SNTB1: variants seen among roughly 807,000 people sequenced by gnomAD.
SNTB1 encodes the protein beta-1-syntrophin.
A neutral mutation model predicts 48.9 loss-of-function variants in SNTB1; 36 were observed. The observed-to-expected ratio is 0.74, with a 90% CI of 0.56 to 0.97. The LOEUF is 0.97. SNTB1 is among the 50% of genes least tolerant of loss of function. The probability of loss-of-function intolerance (pLI) is 0.00; values close to 1 mark genes in which losing one functional copy is unlikely to be tolerated. For missense variants in SNTB1, 786 were observed against 703.4 expected, an observed-to-expected ratio of 1.12 and a Z score of -1.33; for synonymous variants, 299 against 294.6, an observed-to-expected ratio of 1.01 and a Z score of -0.15.
chr8:120,779,958 A>G (rs1185374255), intron 1 of SNTB1, among the ~76,000 whole-genome samples: 1 of 152,138 alleles, frequency 6.6e-6, no homozygotes, highest in Admixed American at 6.5e-5. Flanking sequence ...AGGGCTCTAG[A>G]TATATTACAT....
chr8:120,582,255 A>T (rs1282887242), intron 3 of SNTB1, among the ~76,000 whole-genome samples: 2 of 152,190 alleles, frequency 1.3e-5, no homozygotes, highest in Non-Finnish European at 2.9e-5. Flanking sequence ...AAAACACAAC[A>T]TATCAAAATC....
intron 3 of SNTB1, among the ~76,000 whole-genome samples, chr8:120,611,113 C>T (rs1462057321): frequency 6.6e-6 from 1 of 152,100 alleles, no homozygotes; most frequent in African/African-American, 2.4e-5. Context: ...CAGGTCTGAC[C>T]CTAGAGCAAG....
At chr8:120,638,283 G>A (rs897086172) in intron 2 of SNTB1, 9 of 152,148 alleles carry the variant, frequency 5.9e-5, no homozygotes, top group African/African-American at 2.2e-4. Context: ...GAAGAAGCGG[G>A]AAAACACAGT....
chr8:120,679,028 A>G (rs1180755355), intron 2 of SNTB1, among the ~76,000 whole-genome samples: 1 of 152,166 alleles, frequency 6.6e-6, no homozygotes, highest in Non-Finnish European at 1.5e-5. Context: ...GGTGGTAGTA[A>G]CTTGCTCTTT....
chr8:120,602,472 C>G (rs556758856), intron 3 of SNTB1, among the ~76,000 whole-genome samples: 1 of 152,286 alleles, frequency 6.6e-6, no homozygotes, highest in African/African-American at 2.4e-5. Flanking sequence ...CTGAAAAGAC[C>G]GAGGTTCCCC....
chr8:120,620,945 T>C (rs1228473347), intron 3 of SNTB1, among the ~76,000 whole-genome samples: 1 of 118,182 alleles, frequency 8.5e-6, no homozygotes, highest in African/African-American at 2.6e-5. Flanking sequence ...TTCCCTCTCT[T>C]TTCTTTTCTT....
At position 120,605,344 on chromosome 8, in the gene SNTB1, ATTTCCTATG is replaced by A. The variant is rs573778375; in HGVS notation, c.996+27091_996+27099del. Among the ~76,000 whole-genome samples the A allele has an allele frequency of 3.1e-3, 475 of 152,288 alleles. 4 individuals carry two copies. Among genetic ancestry groups the A allele is most frequent in the African/African-American group, 0.011 (458 of 41,566 alleles). ...TCTGAAAGGAGGTTTTACTTACTCC[ATTTCCTATG>A]GAGACATCAAGCTCTCCAGAAGTAG... is the stretch of plus-strand genomic sequence containing the variant. On this transcript the variant is annotated intron_variant, in intron 3 of 6. Coordinates refer to ENST00000517992, the MANE Select transcript of SNTB1 (RefSeq NM_021021.4).
At chr8:120,659,977 C>T (rs1431573500) in intron 2 of SNTB1, among the ~76,000 whole-genome samples, 1 of 152,120 alleles carries the variant, frequency 6.6e-6, no homozygotes, top group Non-Finnish European at 1.5e-5. Context: ...TGCTGAGTAG[C>T]AGGTCTCAAC....
chr8:120,688,626 T>A (rs1818073598), intron 2 of SNTB1, among the ~76,000 whole-genome samples: 2 of 152,270 alleles, frequency 1.3e-5, no homozygotes, highest in South Asian at 4.1e-4. Context: ...AAGACATTGA[T>A]ATCTGAGAAG....
At chr8:120,767,649 GTTC>G (rs990786895) in intron 1 of SNTB1, among the ~76,000 whole-genome samples, 1 of 152,150 alleles carries the variant, frequency 6.6e-6, no homozygotes, top group Non-Finnish European at 1.5e-5. Flanking sequence ...TAGCCTCTTT[GTTC>G]TTCTTCCTCC....
chr8:120,561,363 T>G (rs1235199641), intron 4 of SNTB1, among the ~76,000 whole-genome samples: 1 of 139,594 alleles, frequency 7.2e-6, no homozygotes, highest in Admixed American at 7.2e-5. Context: ...AAAAAGAAAC[T>G]TGAAAGGAAA....
chr8:120,774,374 G>A (rs1819696004), intron 1 of SNTB1, among the ~76,000 whole-genome samples: 1 of 152,224 alleles, frequency 6.6e-6, no homozygotes, highest in Non-Finnish European at 1.5e-5. Flanking sequence ...TCATGCTTAA[G>A]AGTGTGCATG....
chr8:120,573,362 G>T (rs1054097269), intron 4 of SNTB1, among the ~76,000 whole-genome samples: 1 of 151,276 alleles, frequency 6.6e-6, no homozygotes, highest in African/African-American at 2.4e-5. Context: ...GTCTTCTTTG[G>T]AGAAATGTCT....
intron 1 of SNTB1, among the ~76,000 whole-genome samples, chr8:120,799,124 G>A (rs973932866): frequency 6.6e-6 from 1 of 151,990 alleles, no homozygotes; most frequent in Non-Finnish European, 1.5e-5. Flanking sequence ...CTGAGCTCTA[G>A]AGGGACTGAG....
chr8:120,618,615 T>C (rs1486221779), intron 3 of SNTB1, among the ~76,000 whole-genome samples: 1 of 152,206 alleles, frequency 6.6e-6, no homozygotes, highest in Admixed American at 6.5e-5. Context: ...GTCATATATT[T>C]GTTTGTTTAA....
intron 3 of SNTB1, among the ~76,000 whole-genome samples, chr8:120,626,857 T>C (rs1181160017): frequency 6.6e-6 from 1 of 152,216 alleles, no homozygotes; most frequent in Non-Finnish European, 1.5e-5. Context: ...TCTTGAACAG[T>C]ATCAGTGTGA....
At chr8:120,585,117 G>A (rs988289358) in intron 3 of SNTB1, among the ~76,000 whole-genome samples, 4 of 152,126 alleles carry the variant, frequency 2.6e-5, no homozygotes, top group Admixed American at 6.5e-5. Context: ...AAGGGCATTC[G>A]AGCCCTATGC....
intron 4 of SNTB1, among the ~76,000 whole-genome samples, chr8:120,559,028 T>G (rs897577412): frequency 2.6e-5 from 4 of 152,216 alleles, no homozygotes; most frequent in Non-Finnish European, 1.5e-5. Flanking sequence ...TTGTGATTAA[T>G]GACTACTACA....
rs1389271485 is a variant in SNTB1 at position 120,535,844 on chromosome 8, A to G, written c.*3033T>C. 1 of 152,172 alleles carries G rather than the reference A, an allele frequency of 6.6e-6. No homozygotes were observed. Among genetic ancestry groups the G allele is most frequent in the Non-Finnish European group, 1.5e-5 (1 of 68,046 alleles). The allele number at this position is 152,172 out of a possible 1,614,324, so 9.4% of individuals were successfully genotyped here. ...ATAGGCACATTTTTTAAAAGTCCAG[A>G]TACATCCAAAAATTACCCCCTCACT... On this transcript the variant is annotated 3_prime_UTR_variant, in exon 7 of 7. Transcript: ENST00000517992.
Sources: gnomAD v4.1 joint callset for allele counts (sites outside exome capture counted in the v4.1 genomes callset) on GRCh38, gnomAD v4.1.1 for gene constraint, MANE v1.5 for transcripts, NCBI Gene and HGNC (gene_info 2026-07-23, HGNC 2026-07-21) for gene names.